ETV7: variants seen among roughly 807,000 people sequenced by gnomAD.
ETV7 encodes the protein ETS variant transcription factor 7, also known as transcription factor ETV7.
In ETV7, 43 loss-of-function variants were observed where a neutral mutation model predicts 39.1. That is an observed-to-expected ratio of 1.10 (90% CI 0.86 to 1.42). The LOEUF is 1.42. ETV7 is among the 40% of genes most tolerant of loss of function. The pLI, the probability that ETV7 is intolerant of heterozygous loss-of-function variation, is 0.00. For synonymous variants in ETV7, 196 were observed against 176.6 expected (o/e 1.11, Z -0.87); for missense variants, 432 against 442.3 (o/e 0.98, Z 0.21).
At chr6:36,371,649 G>A (rs1197126058) in intron 4 of ETV7, 89 bp from the exon 5 acceptor site, 1 of 1,150,562 alleles carries the variant, frequency 8.7e-7, no homozygotes, top group Non-Finnish European at 1.3e-6. Context: ...GGAGCCCTGT[G>A]GGGCAGCACT....
At chr6:36,373,188 C>T (rs60691601) in intron 4 of ETV7, among the ~76,000 whole-genome samples, 4,842 of 152,000 alleles carry the variant, frequency 0.032, 186 homozygotes, top group East Asian at 0.13. Context: ...GTGGTTTCCA[C>T]GGAGGGCTGC....
intron 6 of ETV7, among the ~76,000 whole-genome samples, chr6:36,368,285 GA>G (rs1318235089): frequency 6.6e-6 from 1 of 152,174 alleles, no homozygotes. Context: ...TACATCTTAG[GA>G]AAGGCTATAA....
intron 2 of ETV7, among the ~76,000 whole-genome samples, chr6:36,379,805 G>A (rs1400359022): frequency 1.3e-5 from 2 of 151,374 alleles, no homozygotes; most frequent in South Asian, 2.1e-4. Context: ...GAACCCCAGA[G>A]GTGGAGGTTG....
chr6:36,370,264 G>T (rs1000336658), intron 5 of ETV7, among the ~76,000 whole-genome samples: 2 of 152,156 alleles, frequency 1.3e-5, no homozygotes, highest in African/African-American at 2.4e-5. Context: ...GGCCGGCACG[G>T]TGGTTCACGC....
chr6:36,373,506 C>T lies in ETV7; in HGVS notation c.380G>A (p.Gly127Glu), dbSNP rs1333048643. 1 of 1,553,270 alleles carries T rather than the reference C, an allele frequency of 6.4e-7. No individual in the cohort carries two copies. The highest frequency in any genetic ancestry group is 8.7e-7 in the Non-Finnish European group (1 of 1,148,090). ...RRALVCGPFFGGIFRLKTPTQ... is the reference protein window; with the variant it reads ...RRALVCGPFFEGIFRLKTPTQ... Reference sequence around the variant, plus strand: ...GGGCGTCTTCAGCCTGAAGATCCCTCCAAAAAAGGGCCCACACACCAGGGC... The same window carrying T: ...GGGCGTCTTCAGCCTGAAGATCCCTTCAAAAAAGGGCCCACACACCAGGGC... The change falls in exon 4 of 8, where the codon GGA becomes GAA. Residue 127 changes from glycine to glutamate, a missense_variant. By Grantham distance (98) the Gly-to-Glu change is moderately conservative (BLOSUM62 -2). Coordinates refer to ENST00000340181, the MANE Select transcript of ETV7 (RefSeq NM_016135.4).
At chr6:36,373,359 C>T in intron 4 of ETV7, 94 bp downstream of exon 4, 3 of 1,386,568 alleles carry the variant, frequency 2.2e-6, no homozygotes, top group Non-Finnish European at 2.8e-6. Flanking sequence ...CCACACTGGC[C>T]ACCTCTTTCA....
downstream of ETV7, among the ~76,000 whole-genome samples, chr6:36,363,978 C>T (rs1772620870): frequency 6.6e-6 from 1 of 151,870 alleles, no homozygotes; most frequent in African/African-American, 2.4e-5. Flanking sequence ...CTCCAAGGCC[C>T]CACCAGAGCA....
At chr6:36,376,258 G>A (rs75584599) in intron 2 of ETV7, among the ~76,000 whole-genome samples, 1 of 143,850 alleles carries the variant, frequency 7.0e-6, no homozygotes, top group Non-Finnish European at 1.5e-5. Context: ...TATGTATGTA[G>A]CATGTATTTA....
At position 36,369,020 on chromosome 6, in the gene ETV7, T is replaced by C. The variant is rs1309192706; in HGVS notation, c.716A>G (p.Tyr239Cys). The C allele has an allele frequency of 6.2e-7, 1 of 1,614,200 alleles. No homozygotes were observed. The highest frequency in any genetic ancestry group is 2.2e-5 in the East Asian group (1 of 44,880). ...GTCTTCCCACTTGATGTAGGGCTCA[T>C]ATCGGGTATCAAGGAGCAGCTGATA... ...YVYQLLLDTRYEPYIKWEDKD... is the reference protein window; with the variant it reads ...YVYQLLLDTRCEPYIKWEDKD... Residue 239 changes from tyrosine to cysteine, a missense_variant, in exon 6 of 8, where the codon TAT becomes TGT. Physicochemically the swap from Tyr to Cys is radical, Grantham distance 194 (BLOSUM62 -2). Coordinates refer to ENST00000340181, the MANE Select transcript of ETV7 (RefSeq NM_016135.4).
rs1773854413 is a variant in ETV7 at position 36,385,554 on chromosome 6, C to T, written c.122G>A (p.Cys41Tyr). The change falls in exon 2 of 8, where the codon TGC becomes TAC. Residue 41 changes from cysteine (C) to tyrosine (Y), a missense_variant. By Grantham distance (194) the Cys-to-Tyr change is radical (BLOSUM62 -2). Transcript: ENST00000340181. ...QINLLGEGGI[C>Y]KLPGRLRIQP... Reference sequence around the variant, plus strand: ...CTTACGGAGTCTTCCTGGCAGCTTGCAGATCCCCCCTTCACCCAGCAGGTT... The same window carrying T: ...CTTACGGAGTCTTCCTGGCAGCTTGTAGATCCCCCCTTCACCCAGCAGGTT... The T allele has an allele frequency of 8.1e-6, 13 of 1,614,218 alleles. No individual in the cohort carries two copies. Among genetic ancestry groups the T allele is most frequent in the Non-Finnish European group, 1.1e-5 (13 of 1,180,024 alleles).
intron 2 of ETV7, among the ~76,000 whole-genome samples, chr6:36,376,584 T>C (rs1402557174): frequency 6.6e-6 from 1 of 152,104 alleles, no homozygotes; most frequent in Non-Finnish European, 1.5e-5. Flanking sequence ...CAAACCATCC[T>C]GGCCAACACG....
intron 7 of ETV7, among the ~76,000 whole-genome samples, chr6:36,356,731 G>A (rs981128910): frequency 6.6e-6 from 1 of 152,232 alleles, no homozygotes; most frequent in South Asian, 2.1e-4. Flanking sequence ...ACACTGTGAT[G>A]GAGTAGGAAA....
intron 6 of ETV7, 97 bp downstream of exon 6, chr6:36,368,832 C>G (rs1023932069): frequency 6.6e-7 from 1 of 1,508,466 alleles, no homozygotes; most frequent in Non-Finnish European, 9.0e-7. Flanking sequence ...AAGGCCCCAT[C>G]AGCTGAGGAT....
chr6:36,365,978 C>T (rs1772697965), downstream of ETV7, among the ~76,000 whole-genome samples: 1 of 152,170 alleles, frequency 6.6e-6, no homozygotes, highest in African/African-American at 2.4e-5. Flanking sequence ...TCGATACCAG[C>T]CTGGCCAACA....
At chr6:36,354,809 G>A (rs1561894933) in intron 7 of ETV7, 2 of 532,312 alleles carry the variant, frequency 3.8e-6, no homozygotes, top group South Asian at 5.3e-5. Context: ...CATTTATTTA[G>A]ATTTGCTTTA....
chr6:36,375,374 C>T (rs2071794), intron 3 of ETV7, among the ~76,000 whole-genome samples: 35,894 of 152,020 alleles, frequency 0.24, 5,666 homozygotes, highest in African/African-American at 0.4. Flanking sequence ...TCCCTCCCCA[C>T]AAACTCCGTG....
chr6:36,368,914 C>T lies in ETV7; in HGVS notation c.807+15G>A, dbSNP rs1309122951. The T allele has an allele frequency of 6.2e-7, 1 of 1,614,120 alleles. No homozygotes were observed. The highest frequency in any genetic ancestry group is 8.5e-7 in the Non-Finnish European group (1 of 1,179,994). ...TTCTGGTTATGTTGAGACCATTCTG[C>T]TGGCCGAGGCTCACCTTGTGATTTC... On this transcript the variant is annotated intron_variant, in intron 6 of 7. Coordinates refer to ENST00000340181, the MANE Select transcript of ETV7 (RefSeq NM_016135.4).
chr6:36,364,088 G>A (rs893977682), downstream of ETV7, among the ~76,000 whole-genome samples: 7 of 152,200 alleles, frequency 4.6e-5, no homozygotes, highest in Admixed American at 2.0e-4. Context: ...ACAGAGTGCC[G>A]ATTGGTGTAT....
At chr6:36,381,940 T>A (rs1429723431) in intron 2 of ETV7, among the ~76,000 whole-genome samples, 1 of 152,176 alleles carries the variant, frequency 6.6e-6, no homozygotes, top group East Asian at 1.9e-4. Context: ...ATATTAATAG[T>A]TCTTGGAATT....
Sources: gnomAD v4.1 joint callset for allele counts (sites outside exome capture counted in the v4.1 genomes callset) on GRCh38, gnomAD v4.1.1 for gene constraint, MANE v1.5 for transcripts, NCBI Gene and HGNC (gene_info 2026-07-23, HGNC 2026-07-21) for gene names.